NMRAL1: variants seen among roughly 807,000 people sequenced by gnomAD.
The protein encoded by NMRAL1 is NmrA like redox sensor 1.
A neutral mutation model predicts 27.5 loss-of-function variants in NMRAL1; 32 were observed. The observed-to-expected ratio is 1.16, with a 90% CI of 0.88 to 1.56. The LOEUF is 1.56. Among genes scored for constraint, NMRAL1 ranks in the 40% most tolerant of loss-of-function variants. The probability of loss-of-function intolerance (pLI) is 0.00; values close to 1 mark genes in which losing one functional copy is unlikely to be tolerated. For synonymous variants in NMRAL1, 166 were observed against 166.8 expected (o/e 1.00, Z 0.04); for missense variants, 420 against 392.0 (o/e 1.07, Z -0.60).
chr16:4,463,668 C>A lies in NMRAL1; in HGVS notation c.712G>T (p.Asp238Tyr). 1.2e-6 allele frequency: 2 copies of A among 1,613,174 alleles called. No homozygotes were observed. Among genetic ancestry groups the A allele is most frequent in the Non-Finnish European group, 1.7e-6 (2 of 1,179,878 alleles). The change falls in exon 5 of 6, where the codon GAT (aspartate) becomes TAT (tyrosine). Residue 238 changes from aspartate to tyrosine, a missense_variant. Asp to Tyr is a radical substitution (Grantham distance 160, BLOSUM62 -3). Coordinates refer to ENST00000283429, the MANE Select transcript of NMRAL1 (RefSeq NM_020677.6). ...LTKHTRKVVH[D>Y]AKMTPEDYEK... ...TGGGGCGGGAGGCCCACCTTGGCAT[C>A]GTGCACGACCTTGCGGGTGTGCTTG...
At chr16:4,467,290 G>A (rs1351973931) in intron 3 of NMRAL1, 1 of 152,424 alleles carries the variant, frequency 6.6e-6, no homozygotes, top group Non-Finnish European at 1.5e-5. Flanking sequence ...CAGGAGTGCA[G>A]TGGCGTGATC....
intron 2 of NMRAL1, among the ~76,000 whole-genome samples, chr16:4,473,624 T>G (rs1269785000): frequency 6.6e-6 from 1 of 151,660 alleles, no homozygotes; most frequent in Non-Finnish European, 1.5e-5. Context: ...AGTAACTCAT[T>G]TTTTTTTAAT....
At chr16:4,465,479 G>C (rs895978763) in intron 4 of NMRAL1, among the ~76,000 whole-genome samples, 4 of 152,246 alleles carry the variant, frequency 2.6e-5, no homozygotes, top group African/African-American at 9.6e-5. Context: ...GCACTGAGAA[G>C]AAAGAGCTTT....
At chr16:4,473,759 C>G (rs1410152632) in intron 2 of NMRAL1, among the ~76,000 whole-genome samples, 1 of 151,922 alleles carries the variant, frequency 6.6e-6, no homozygotes, top group Non-Finnish European at 1.5e-5. Context: ...AACCCCGTCT[C>G]TACTAAAAAT....
At position 4,469,321 on chromosome 16, in the gene NMRAL1, T is replaced by C. The variant is rs555219424; in HGVS notation, c.185A>G (p.Gln62Arg). 2 of 1,613,254 alleles carry C rather than the reference T, an allele frequency of 1.2e-6. No individual in the cohort carries two copies. Among genetic ancestry groups the C allele is most frequent in the African/African-American group, 2.7e-5 (2 of 75,062 alleles). The change falls in exon 3 of 6, where the codon CAG becomes CGG. Residue 62 changes from glutamine to arginine, a missense_variant. Physicochemically the swap from Gln to Arg is conservative, Grantham distance 43. Coordinates refer to ENST00000283429, the MANE Select transcript of NMRAL1 (RefSeq NM_020677.6). ...AEVVQGDQDD[Q>R]VIMELALNGA... Reference sequence around the variant, plus strand: ...ATTCAGGGCCAGCTCCATGATGACCTGGTCATCTTGGTCTCCCTGCACTAC... The same window carrying C: ...ATTCAGGGCCAGCTCCATGATGACCCGGTCATCTTGGTCTCCCTGCACTAC...
At chr16:4,469,202 C>A in intron 3 of NMRAL1, 25 bp downstream of exon 3, 1 of 1,557,434 alleles carries the variant, frequency 6.4e-7, no homozygotes, top group Non-Finnish European at 8.9e-7. Context: ...GGCCGGGCCT[C>A]CCTGCAGCTC....
chr16:4,464,186 C>G (rs1596383820), intron 4 of NMRAL1: 2 of 372,410 alleles, frequency 5.4e-6, no homozygotes, highest in South Asian at 9.0e-5. Flanking sequence ...AGGAAAAGGA[C>G]TCTGAAAGCT....
chr16:4,462,013 G>A, intron 5 of NMRAL1, 54 bp from the exon 6 acceptor site: 1 of 1,504,158 alleles, frequency 6.6e-7, no homozygotes, highest in Non-Finnish European at 9.1e-7. Flanking sequence ...CCGGGAGGTG[G>A]CGGGGCAGGG....
rs2141474968 is a variant in NMRAL1 at position 4,474,121 on chromosome 16, C to G, written c.12G>C (p.Lys4Asn). The change falls in exon 2 of 6, where the codon AAG becomes AAC. Residue 4 changes from lysine to asparagine, a missense_variant. Physicochemically the swap from Lys to Asn is moderately conservative, Grantham distance 94. Coordinates refer to ENST00000283429, the MANE Select transcript of NMRAL1 (RefSeq NM_020677.6). ...TGCCTCCGAAAACCACCACCAGTTTCTTGTCCACCATGAGGACGAGAATGG... is the reference window on the plus strand; with the variant it reads ...TGCCTCCGAAAACCACCACCAGTTTGTTGTCCACCATGAGGACGAGAATGG... MVD[K>N]KLVVVFGGTG... The G allele has an allele frequency of 6.2e-7, 1 of 1,612,356 alleles. No individual in the cohort carries two copies. Among genetic ancestry groups the G allele is most frequent in the Non-Finnish European group, 8.5e-7 (1 of 1,179,196 alleles).
intron 4 of NMRAL1, among the ~76,000 whole-genome samples, chr16:4,465,204 G>A (rs1174245407): frequency 1.3e-5 from 2 of 152,156 alleles, no homozygotes; most frequent in African/African-American, 2.4e-5. Flanking sequence ...AAGCCACTGC[G>A]CCTGGCCAGC....
chr16:4,468,970 G>T lies in NMRAL1; in HGVS notation c.279+257C>A, dbSNP rs868716359. On this transcript the variant is annotated intron_variant, in intron 3 of 5. Transcript: ENST00000283429. The stretch of plus-strand genomic sequence containing the variant: ...TTTAAAAAAAACTTCTAACATTTTT[G>T]ATTAAAAAAAAAAAAAACAAACGAA... 3.0e-3 allele frequency among the ~76,000 whole-genome samples: 233 copies of T among 78,262 alleles called. 2 individuals carry two copies. Among genetic ancestry groups the T allele is most frequent in the Middle Eastern group, 0.029 (5 of 172 alleles). 51.3% of individuals were successfully genotyped at this position (78,262 alleles called of 152,430 possible). A position where few individuals can be genotyped will look rare whatever the true frequency, so the allele number is the denominator to read the frequency against.
At chr16:4,475,437 A>T (rs1245440850), upstream of NMRAL1, among the ~76,000 whole-genome samples, 1 of 151,446 alleles carries the variant, frequency 6.6e-6, no homozygotes, top group Non-Finnish European at 1.5e-5. Context: ...TTTCCTGAGT[A>T]GCTGGGATTA....
rs763001414 is a variant in NMRAL1, at chr16:4,466,346, G to T, written c.336C>A (p.Ser112Arg). ...TCAGCTTCTTGATGTTCTCCAGGCC[G>T]CTGTAGACCACATAGTGGAGGCCCA... is the stretch of plus-strand genomic sequence containing the variant. Reference protein sequence around the residue: ...RRLGLHYVVYSGLENIKKLTA... With the variant: ...RRLGLHYVVYRGLENIKKLTA... The change falls in exon 4 of 6, where the codon AGC becomes AGA. Residue 112 changes from serine to arginine, a missense_variant. Ser to Arg is a moderately radical substitution (Grantham distance 110). Coordinates refer to ENST00000283429, the MANE Select transcript of NMRAL1 (RefSeq NM_020677.6). 2 of 1,613,586 alleles carry T rather than the reference G, an allele frequency of 1.2e-6. No homozygotes were observed. The highest frequency in any genetic ancestry group is 8.5e-7 in the Non-Finnish European group (1 of 1,179,956).
rs2057199952 is a variant in NMRAL1, at chr16:4,463,667, T to C, written c.713A>G (p.Asp238Gly). 3 of 1,613,156 alleles carry C rather than the reference T, an allele frequency of 1.9e-6. No individual in the cohort carries two copies. Among genetic ancestry groups the C allele is most frequent in the Non-Finnish European group, 2.5e-6 (3 of 1,179,862 alleles). ...CTGGGGCGGGAGGCCCACCTTGGCA[T>C]CGTGCACGACCTTGCGGGTGTGCTT... Reference protein sequence around the residue: ...LTKHTRKVVHDAKMTPEDYEK... With the variant: ...LTKHTRKVVHGAKMTPEDYEK... Residue 238 changes from aspartate (D) to glycine (G), a missense_variant, in exon 5 of 6, where the codon GAT becomes GGT. Physicochemically the swap from Asp to Gly is moderately conservative, Grantham distance 94. Coordinates refer to ENST00000283429, the MANE Select transcript of NMRAL1 (RefSeq NM_020677.6).
chr16:4,462,814 C>T (rs2057157510), intron 5 of NMRAL1, among the ~76,000 whole-genome samples: 1 of 151,954 alleles, frequency 6.6e-6, no homozygotes, highest in Non-Finnish European at 1.5e-5. Context: ...TGAGCTACCG[C>T]GCCTGACCCA....
chr16:4,469,903 G>A (rs1004186330), intron 2 of NMRAL1, among the ~76,000 whole-genome samples: 11 of 147,212 alleles, frequency 7.5e-5, no homozygotes, highest in African/African-American at 2.3e-4. Context: ...GGTGGCTCAC[G>A]CCTGTAATCA....
intron 2 of NMRAL1, chr16:4,471,215 A>G (rs2057552526): frequency 6.6e-6 from 1 of 152,324 alleles, no homozygotes; most frequent in South Asian, 2.1e-4. Context: ...CTGCTCAAAA[A>G]CGAGACAAAG....
intron 5 of NMRAL1, chr16:4,463,280 C>G (rs978558805): frequency 7.0e-6 from 2 of 284,534 alleles, no homozygotes; most frequent in African/African-American, 4.5e-5. Context: ...GGGCAGGGGT[C>G]GGCCCTATCT....
upstream of NMRAL1, among the ~76,000 whole-genome samples, chr16:4,475,651 A>C (rs145392634): frequency 6.6e-6 from 1 of 152,076 alleles, no homozygotes; most frequent in Non-Finnish European, 1.5e-5. Context: ...TAAAACTAAA[A>C]AATGACTCTG....
Sources: gnomAD v4.1 joint callset for allele counts (sites outside exome capture counted in the v4.1 genomes callset) on GRCh38, gnomAD v4.1.1 for gene constraint, MANE v1.5 for transcripts, NCBI Gene and HGNC (gene_info 2026-07-23, HGNC 2026-07-21) for gene names.